The following SGPL1 variants were observed in gnomAD, a reference collection of about 807,000 sequenced individuals.
SGPL1 encodes sphingosine-1-phosphate lyase 1, also known as SP-lyase 1.
A neutral mutation model predicts 68.9 loss-of-function variants in SGPL1; 37 were observed. That is an observed-to-expected ratio of 0.54 (90% CI 0.41 to 0.71). The LOEUF (loss-of-function observed/expected upper bound fraction) is 0.71, where lower values mean the gene tolerates loss of function less well. Among genes scored for constraint, SGPL1 ranks in the 30% least tolerant of loss-of-function variants. The pLI is 0.00. For missense variants in SGPL1, 551 were observed against 704.6 expected (o/e 0.78, Z 2.47); for synonymous variants, 236 against 248.5 (o/e 0.95, Z 0.47).
intron 5 of SGPL1, chr10:70,857,142 G>C (rs949408506): frequency 5.9e-6 from 1 of 169,598 alleles, no homozygotes; most frequent in African/African-American, 2.4e-5. Context: ...TCTGATGATA[G>C]TGTGCTGAAA....
At chr10:70,858,271 G>C (rs1260295406) in intron 6 of SGPL1, among the ~76,000 whole-genome samples, 1 of 152,080 alleles carries the variant, frequency 6.6e-6, no homozygotes, top group African/African-American at 2.4e-5. Context: ...GAGTAGTTGG[G>C]ACTACAGGCG....
At chr10:70,827,589 G>C (rs1022065037) in intron 2 of SGPL1, among the ~76,000 whole-genome samples, 1 of 152,094 alleles carries the variant, frequency 6.6e-6, no homozygotes, top group Non-Finnish European at 1.5e-5. Flanking sequence ...AACAATCCTA[G>C]CCCATTATTC....
intron 2 of SGPL1, among the ~76,000 whole-genome samples, chr10:70,818,796 A>T (rs548492361): frequency 1.3e-5 from 2 of 152,304 alleles, no homozygotes; most frequent in Admixed American, 1.3e-4. Context: ...TTTCAGTTTT[A>T]ATTAATACCC....
intron 2 of SGPL1, among the ~76,000 whole-genome samples, chr10:70,821,925 G>T (rs543309214): frequency 6.3e-4 from 96 of 152,278 alleles, no homozygotes; most frequent in African/African-American, 2.3e-3. Context: ...GAATTCTTAA[G>T]AAATGCTGTC....
intron 2 of SGPL1, among the ~76,000 whole-genome samples, chr10:70,842,774 A>G (rs1410099814): frequency 2.6e-5 from 4 of 152,184 alleles, no homozygotes; most frequent in African/African-American, 2.4e-5. Context: ...GAGGATAGGC[A>G]TCCAAACCAT....
Position 70,871,903 on chromosome 10 carries a change from A to G in SGPL1, c.976A>G (p.Met326Val), listed in dbSNP as rs564012278. The change falls in exon 11 of 15, where the codon ATG becomes GTG. Residue 326 changes from methionine (M) to valine (V), a missense_variant. Met to Val is a conservative substitution (Grantham distance 21). Coordinates refer to ENST00000373202, the MANE Select transcript of SGPL1 (RefSeq NM_003901.4). ...ACLGGFLIVFMEKAGYPLEHP... is the reference protein window; with the variant it reads ...ACLGGFLIVFVEKAGYPLEHP... ...TCTGGGAGGCTTCCTCATCGTCTTT[A>G]TGGAGAAAGCAGGATACCCACTGGA... 22 of 1,614,124 alleles carry G rather than the reference A, an allele frequency of 1.4e-5. No homozygotes were observed. Among genetic ancestry groups the G allele is most frequent in the Non-Finnish European group, 1.6e-5 (19 of 1,179,996 alleles).
At chr10:70,850,697 C>G (rs1187272178) in intron 3 of SGPL1, among the ~76,000 whole-genome samples, 1 of 152,128 alleles carries the variant, frequency 6.6e-6, no homozygotes, top group Non-Finnish European at 1.5e-5. Context: ...AAATGGAATA[C>G]TCTGCAGCTA....
intron 4 of SGPL1, among the ~76,000 whole-genome samples, chr10:70,853,137 A>C (rs1354818605): frequency 6.6e-5 from 10 of 152,114 alleles, no homozygotes; most frequent in African/African-American, 2.4e-5. Flanking sequence ...TTAATTTTTT[A>C]ATTTACAACT....
chr10:70,844,905 A>T (rs764634102), intron 3 of SGPL1, among the ~76,000 whole-genome samples: 32 of 151,930 alleles, frequency 2.1e-4, no homozygotes, highest in Non-Finnish European at 2.4e-4. Flanking sequence ...ACGCCCAGCT[A>T]ATTTTTGTAT....
intron 2 of SGPL1, among the ~76,000 whole-genome samples, chr10:70,837,105 T>G (rs1845638594): frequency 6.6e-6 from 1 of 150,588 alleles, no homozygotes; most frequent in Non-Finnish European, 1.5e-5. Context: ...TGAGACAGAG[T>G]CTTGCTCTGT....
rs1424585824 is a variant in SGPL1 at position 70,874,896 on chromosome 10, C to A, written c.1299-506C>A. The stretch of plus-strand genomic sequence containing the variant: ...CTCTAGCCTGGGTGACAGAGCAAGA[C>A]CCTGTCTCAAATAAATAAGCAAACA... On this transcript the variant is annotated intron_variant, in intron 12 of 14. Transcript: ENST00000373202. 6.6e-5 allele frequency among the ~76,000 whole-genome samples: 10 copies of A among 152,184 alleles called. No homozygotes were observed. In the East Asian group the frequency reaches 1.9e-3, roughly 29 times the overall value.
At chr10:70,876,749 C>A in intron 14 of SGPL1, 88 bp downstream of exon 14, 1 of 1,148,086 alleles carries the variant, frequency 8.7e-7, no homozygotes, top group South Asian at 1.5e-5. Flanking sequence ...GGAGTCTGTT[C>A]CTGCCTCTGC....
At chr10:70,854,560 AG>A (rs1354279884) in intron 4 of SGPL1, 147 bp from the exon 5 acceptor site, 2 of 627,714 alleles carry the variant, frequency 3.2e-6, no homozygotes, top group Non-Finnish European at 5.3e-6. Flanking sequence ...CTGATCAGTC[AG>A]AATATCACCA....
rs1362719657 is a variant in SGPL1 at position 70,880,873 on chromosome 10, G to A, written c.*3538G>A. ...GGCTTATCTAGGAAGTCGTGTCTGG[G>A]GTGCTTATTGCTGCTCCATACAGCT... On this transcript the variant is annotated 3_prime_UTR_variant, in exon 15 of 15. Coordinates refer to ENST00000373202, the MANE Select transcript of SGPL1 (RefSeq NM_003901.4). The A allele has an allele frequency of 2.0e-5, 3 of 152,068 alleles. No homozygotes were observed. The highest frequency in any genetic ancestry group is 7.2e-5 in the African/African-American group (3 of 41,406). The allele number at this position is 152,068 out of a possible 1,614,324, so 9.4% of individuals were successfully genotyped here. A position where few individuals can be genotyped will look rare whatever the true frequency, so the allele number is the denominator to read the frequency against.
At chr10:70,851,269 C>G (rs1845875888) in intron 4 of SGPL1, 59 bp downstream of exon 4, 1 of 1,344,876 alleles carries the variant, frequency 7.4e-7, no homozygotes, top group African/African-American at 1.4e-5. Context: ...CTCTTTCTTT[C>G]TATTTACTAA....
At chr10:70,816,789 C>A in intron 1 of SGPL1, 22 bp from the exon 2 acceptor site, 7 of 1,552,660 alleles carry the variant, frequency 4.5e-6, no homozygotes, top group Non-Finnish European at 6.2e-6. Context: ...TAGAAGTAAA[C>A]AAACCTGGTT....
chr10:70,825,823 T>C (rs1028756465), intron 2 of SGPL1, among the ~76,000 whole-genome samples: 1 of 152,212 alleles, frequency 6.6e-6, no homozygotes, highest in African/African-American at 2.4e-5. Flanking sequence ...GAATTAGGTT[T>C]GAGTGTATAT....
chr10:70,859,997 C>A (rs1157402289), intron 7 of SGPL1, among the ~76,000 whole-genome samples: 2 of 152,102 alleles, frequency 1.3e-5, no homozygotes, highest in Non-Finnish European at 2.9e-5. Flanking sequence ...TTTTAGTGTA[C>A]TTCTGGTTTT....
chr10:70,851,607 G>C (rs1197196531), intron 4 of SGPL1, among the ~76,000 whole-genome samples: 1 of 152,198 alleles, frequency 6.6e-6, no homozygotes, highest in Non-Finnish European at 1.5e-5. Context: ...AAACCTGACT[G>C]TATTGTTAGG....
Sources: allele counts gnomAD v4.1 joint callset (sites outside exome capture counted in the v4.1 genomes callset), GRCh38; gene constraint gnomAD v4.1.1; transcripts MANE v1.5; gene names NCBI Gene and HGNC (gene_info 2026-07-23, HGNC 2026-07-21).